Variants in SLC2A9 observed in about 807,000 individuals in gnomAD.
The protein encoded by SLC2A9 is solute carrier family 2 member 9, also known as solute carrier family 2, facilitated glucose transporter member 9.
A neutral mutation model predicts 50.6 loss-of-function variants in SLC2A9; 39 were observed. That is an observed-to-expected ratio of 0.77 (90% CI 0.60 to 1.01). The LOEUF (loss-of-function observed/expected upper bound fraction) is 1.01, where lower values mean the gene tolerates loss of function less well. Ranked by LOEUF, SLC2A9 falls within the 50% of genes least tolerant of loss-of-function variation. SLC2A9 has a pLI of 0.00. For missense variants in SLC2A9, 686 were observed against 677.6 expected, an observed-to-expected ratio of 1.01 and a Z score of -0.14; for synonymous variants, 324 against 276.9, an observed-to-expected ratio of 1.17 and a Z score of -1.69.
chr4:9,839,431 C>T (rs1450406400), intron 10 of SLC2A9, among the ~76,000 whole-genome samples: 1 of 152,102 alleles, frequency 6.6e-6, no homozygotes, highest in Non-Finnish European at 1.5e-5. Flanking sequence ...TGTGGCCGTT[C>T]CTCAAAGACC....
At chr4:9,930,492 T>C (rs1745706785) in intron 6 of SLC2A9, among the ~76,000 whole-genome samples, 1 of 152,170 alleles carries the variant, frequency 6.6e-6, no homozygotes, top group South Asian at 2.1e-4. Context: ...CTGTGCTGGC[T>C]CCTGTCCTCA....
chr4:9,828,456 C>T (rs1725496941), intron 11 of SLC2A9, among the ~76,000 whole-genome samples: 2 of 152,156 alleles, frequency 1.3e-5, no homozygotes, highest in African/African-American at 4.8e-5. Flanking sequence ...CCATGACTTC[C>T]TAAGTCACCT....
At chr4:9,900,865 T>C (rs752838896) in intron 8 of SLC2A9, among the ~76,000 whole-genome samples, 51 of 152,076 alleles carry the variant, frequency 3.4e-4, no homozygotes, top group Non-Finnish European at 2.1e-4. Context: ...CTCACTATCA[T>C]GAGAACAGCA....
downstream of SLC2A9, among the ~76,000 whole-genome samples, chr4:9,778,222 G>A (rs62293228): frequency 6.6e-6 from 1 of 151,714 alleles, no homozygotes; most frequent in Non-Finnish European, 1.5e-5. Context: ...TAATTCTCCT[G>A]CCTCAGCCAC....
chr4:10,015,244 T>C (rs4318650), intron 2 of SLC2A9, among the ~76,000 whole-genome samples: 84,022 of 151,994 alleles, frequency 0.55, 24,035 homozygotes, highest in East Asian at 0.89. Context: ...TCTTTGCCTT[T>C]ATTGATCATG....
chr4:9,924,752 G>T (rs548769414), intron 6 of SLC2A9, among the ~76,000 whole-genome samples: 2 of 152,182 alleles, frequency 1.3e-5, no homozygotes, highest in South Asian at 4.2e-4. Flanking sequence ...GGGGGCACCT[G>T]ACAACAATCA....
At chr4:9,925,893 C>A (rs913738558) in intron 6 of SLC2A9, among the ~76,000 whole-genome samples, 1 of 152,168 alleles carries the variant, frequency 6.6e-6, no homozygotes, top group Non-Finnish European at 1.5e-5. Context: ...CCCTACTGTT[C>A]CGGGCATGGT....
intron 3 of SLC2A9, among the ~76,000 whole-genome samples, chr4:9,806,084 C>A (rs1462464794): frequency 6.6e-6 from 1 of 152,164 alleles, no homozygotes; most frequent in Non-Finnish European, 1.5e-5. Context: ...AGGCTGGGAG[C>A]AGTCAACACT....
intron 10 of SLC2A9, among the ~76,000 whole-genome samples, chr4:9,846,446 C>T (rs995724031): frequency 6.6e-6 from 1 of 152,020 alleles, no homozygotes; most frequent in African/African-American, 2.4e-5. Context: ...GGCTGCTGAG[C>T]AACTAGGGAT....
At chr4:9,773,276 A>G (rs1245101766) in intron 1 of SLC2A9, among the ~76,000 whole-genome samples, 1 of 151,980 alleles carries the variant, frequency 6.6e-6, no homozygotes, top group East Asian at 1.9e-4. Context: ...CCTCTACCCT[A>G]TTCCCTGCCC....
intron 1 of SLC2A9, among the ~76,000 whole-genome samples, chr4:10,039,366 C>G (rs562195980): frequency 5.1e-4 from 77 of 152,286 alleles, no homozygotes; most frequent in Admixed American, 1.0e-3. Flanking sequence ...GCAGATAGTG[C>G]AAGATGGGAC....
intron 3 of SLC2A9, among the ~76,000 whole-genome samples, chr4:9,785,136 C>T (rs2108863724): frequency 6.6e-6 from 1 of 152,288 alleles, no homozygotes; most frequent in South Asian, 2.1e-4. Context: ...GTGAAAAGCA[C>T]CCAGCTCTAG....
rs915871637 is a variant in SLC2A9 at position 9,842,624 on chromosome 4, A to G, written c.1292-7616T>C. 4.9e-4 allele frequency among the ~76,000 whole-genome samples: 75 copies of G among 152,318 alleles called. 1 individual carries two copies. Among genetic ancestry groups the G allele is most frequent in the Admixed American group, 4.1e-3 (63 of 15,310 alleles). ...CCATGTCCTTTTGATGGCACCTCTC[A>G]TTTCAAAAGAACAGAAAGATGGGGA... On this transcript the variant is annotated intron_variant, in intron 10 of 11. Coordinates refer to ENST00000264784, the MANE Select transcript of SLC2A9 (RefSeq NM_020041.3).
intron 11 of SLC2A9, among the ~76,000 whole-genome samples, chr4:9,832,134 G>T (rs1291593592): frequency 6.6e-6 from 1 of 152,210 alleles, no homozygotes; most frequent in African/African-American, 2.4e-5. Flanking sequence ...AGTAGCTCTT[G>T]ATTGTGGCTG....
At chr4:9,927,726 G>A (rs1745159428) in intron 6 of SLC2A9, among the ~76,000 whole-genome samples, 1 of 152,194 alleles carries the variant, frequency 6.6e-6, no homozygotes. Flanking sequence ...GGGTGTAGGA[G>A]GAGATATTGG....
intron 5 of SLC2A9, among the ~76,000 whole-genome samples, chr4:9,969,815 T>A (rs1487051473): frequency 6.6e-6 from 1 of 152,166 alleles, no homozygotes; most frequent in Middle Eastern, 3.2e-3. Flanking sequence ...TCCACCCCCA[T>A]GATTCAATTA....
intron 7 of SLC2A9, among the ~76,000 whole-genome samples, chr4:9,918,707 C>T (rs1743353908): frequency 6.6e-6 from 1 of 152,186 alleles, no homozygotes; most frequent in African/African-American, 2.4e-5. Context: ...GGCCAAGTGA[C>T]GGGGAGCAGC....
chr4:10,000,627 T>C (rs1470526892), intron 2 of SLC2A9, among the ~76,000 whole-genome samples: 1 of 152,176 alleles, frequency 6.6e-6, no homozygotes, highest in Non-Finnish European at 1.5e-5. Context: ...GCTTTTCTAT[T>C]CATGCATGAC....
intron 10 of SLC2A9, 102 bp downstream of exon 10, chr4:9,887,465 T>C: frequency 8.5e-7 from 1 of 1,182,198 alleles, no homozygotes; most frequent in Non-Finnish European, 1.2e-6. Context: ...CAGGCTTTGC[T>C]TCTTCTGGGC....
Sources: allele counts gnomAD v4.1 joint callset (sites outside exome capture counted in the v4.1 genomes callset), GRCh38; gene constraint gnomAD v4.1.1; transcripts MANE v1.5; gene names NCBI Gene and HGNC (gene_info 2026-07-23, HGNC 2026-07-21).